The following ANK3 variants were observed in gnomAD, a reference collection of about 807,000 sequenced individuals.
ANK3 encodes the protein ankyrin-3.
ANK3 carries 57 observed loss-of-function variants against 370.9 expected under a neutral mutation model. The ratio of observed to expected loss-of-function variants is 0.15; its 90% CI spans 0.12 to 0.19. ANK3 has a LOEUF of 0.19. Ranked by LOEUF, ANK3 falls within the 10% of genes least tolerant of loss-of-function variation. The pLI, the probability that ANK3 is intolerant of heterozygous loss-of-function variation, is 1.00. For synonymous variants in ANK3, 1,929 were observed against 1,946.3 expected (o/e 0.99, Z 0.23); for missense variants, 4,439 against 5,302.1 (o/e 0.84, Z 5.06).
At chr10:60,655,981 G>T (rs941087828) in intron 1 of ANK3, among the ~76,000 whole-genome samples, 1 of 152,186 alleles carries the variant, frequency 6.6e-6, no homozygotes, top group Non-Finnish European at 1.5e-5. Context: ...TACAGCCTAG[G>T]TATGTAGTCG....
At chr10:60,574,295 C>T (rs939623853) in intron 2 of ANK3, among the ~76,000 whole-genome samples, 3 of 152,176 alleles carry the variant, frequency 2.0e-5, no homozygotes, top group African/African-American at 7.2e-5. Context: ...AAGTGACACG[C>T]TCAGAGAGCC....
At chr10:60,164,349 A>AGT (rs2095568067) in intron 23 of ANK3, among the ~76,000 whole-genome samples, 1 of 152,054 alleles carries the variant, frequency 6.6e-6, no homozygotes, top group African/African-American at 2.4e-5. Context: ...GTCCTGCTAT[A>AGT]CTCTGCTTTG....
chr10:60,688,182 G>T (rs1320152795), intron 1 of ANK3, among the ~76,000 whole-genome samples: 1 of 152,002 alleles, frequency 6.6e-6, no homozygotes, highest in Non-Finnish European at 1.5e-5. Context: ...TGATTCTCAT[G>T]CCTCAGCCTC....
At chr10:60,386,954 G>A (rs907073158) in intron 1 of ANK3, among the ~76,000 whole-genome samples, 2 of 152,130 alleles carry the variant, frequency 1.3e-5, no homozygotes, top group East Asian at 3.9e-4. Context: ...GAGATCAGGT[G>A]TTTAAGACCA....
chr10:60,084,849 A>G lies in ANK3; in HGVS notation c.3846-19T>C. 6.7e-7 allele frequency: 1 copy of G among 1,500,504 alleles called. No homozygotes were observed. 92.9% of individuals were successfully genotyped at this position (1,500,504 alleles called of 1,614,324 possible). Reference sequence around the variant, plus strand: ...CCAAAATCTGAGCAAAACAAAAAACAGAAGTATGAAAATGTGGCTATTTAA... The same window carrying G: ...CCAAAATCTGAGCAAAACAAAAAACGGAAGTATGAAAATGTGGCTATTTAA... On this transcript the variant is annotated intron_variant, in intron 31 of 43. Coordinates refer to ENST00000280772, the MANE Select transcript of ANK3 (RefSeq NM_020987.5).
At position 60,076,029 on chromosome 10, in the gene ANK3, A is replaced by T; in HGVS notation, c.4852T>A (p.Ser1618Thr). The change falls in exon 37 of 44, where the codon TCT (serine) becomes ACT (threonine). Residue 1618 changes from serine (S) to threonine (T), a missense_variant. This residue lies in a region of ANK3 where 679 missense variants were observed against 791.0 expected (regional missense o/e 0.86). Transcript: ENST00000280772. The stretch of plus-strand genomic sequence containing the variant: ...GGAGAGGTTCGAGAGGAAAACGTAG[A>T]ATTGGATGCCAGCCCTTTTAAGGGC... ...ATPLKGLASN[S>T]TFSSRTSPVT... The T allele has an allele frequency of 6.2e-7, 1 of 1,614,218 alleles. No individual in the cohort carries two copies. The highest frequency in any genetic ancestry group is 8.5e-7 in the Non-Finnish European group (1 of 1,180,014).
intron 2 of ANK3, among the ~76,000 whole-genome samples, chr10:60,511,701 A>G (rs552081863): frequency 2.0e-5 from 3 of 152,188 alleles, no homozygotes; most frequent in African/African-American, 7.2e-5. Flanking sequence ...TGGAATACTG[A>G]AAGGATAAGC....
rs780241305 is a variant in ANK3, at chr10:60,088,209, G to T, written c.3478C>A (p.Pro1160Thr). Residue 1160 changes from proline (P) to threonine (T), a missense_variant, in exon 29 of 44, where the codon CCC (proline) becomes ACC (threonine). Pro to Thr is a conservative substitution (Grantham distance 38, BLOSUM62 -1). This residue lies in a region of ANK3 where 702 missense variants were observed against 941.5 expected (regional missense o/e 0.75). Transcript: ENST00000280772. ...TCTGGGAAAGATGCTTGAACAAGGGGCACTGTGGTGCTGCTCAGAATTCCA... is the reference window on the plus strand; with the variant it reads ...TCTGGGAAAGATGCTTGAACAAGGGTCACTGTGGTGCTGCTCAGAATTCCA... ...EGGILSSTTV[P>T]LVQASFPEGA... 1 of 1,614,220 alleles carries T rather than the reference G, an allele frequency of 6.2e-7. No individual in the cohort carries two copies. Among genetic ancestry groups the T allele is most frequent in the South Asian group, 1.1e-5 (1 of 91,088 alleles).
At chr10:60,504,102 T>C (rs1020640642) in intron 2 of ANK3, among the ~76,000 whole-genome samples, 1 of 152,214 alleles carries the variant, frequency 6.6e-6, no homozygotes, top group African/African-American at 2.4e-5. Flanking sequence ...TCATAATTTC[T>C]TGTGATCTGT....
intron 2 of ANK3, among the ~76,000 whole-genome samples, chr10:60,597,342 T>C (rs1196817351): frequency 2.0e-5 from 3 of 152,220 alleles, no homozygotes; most frequent in East Asian, 1.9e-4. Context: ...TATCATAACA[T>C]GAATGTAGCT....
chr10:60,307,645 T>G (rs972880417), intron 1 of ANK3, among the ~76,000 whole-genome samples: 1 of 152,128 alleles, frequency 6.6e-6, no homozygotes. Context: ...TGGCCTATGA[T>G]GTACTTTTAA....
chr10:60,050,097 CAA>C (rs1298585633), intron 42 of ANK3, among the ~76,000 whole-genome samples: 2 of 152,078 alleles, frequency 1.3e-5, no homozygotes, highest in African/African-American at 4.8e-5. Context: ...ATGAGAATAG[CAA>C]AAACTCAGAA....
chr10:60,664,284 G>A (rs2078970912), intron 1 of ANK3, among the ~76,000 whole-genome samples: 1 of 152,180 alleles, frequency 6.6e-6, no homozygotes. Context: ...TTTATTATGG[G>A]ATAATTGTAT....
At chr10:60,532,216 T>G (rs1463103499) in intron 2 of ANK3, among the ~76,000 whole-genome samples, 1 of 152,164 alleles carries the variant, frequency 6.6e-6, no homozygotes, top group South Asian at 2.1e-4. Flanking sequence ...AGTTGCATAC[T>G]TACTTCTCAC....
chr10:60,621,722 T>C (rs1471449126), intron 1 of ANK3, among the ~76,000 whole-genome samples: 1 of 152,212 alleles, frequency 6.6e-6, no homozygotes, highest in Admixed American at 6.6e-5. Context: ...ACATCATCTA[T>C]GTTTTTTTCA....
At chr10:60,484,223 G>C (rs1468187254) in intron 2 of ANK3, among the ~76,000 whole-genome samples, 1 of 152,166 alleles carries the variant, frequency 6.6e-6, no homozygotes, top group Non-Finnish European at 1.5e-5. Flanking sequence ...CATTGAGGGG[G>C]ATGGAAATGA....
At chr10:60,733,485 T>C (rs1246778253) in exon 1 of ANK3, 5 of 545,170 alleles carry the variant, frequency 9.2e-6, no homozygotes, top group Non-Finnish European at 1.4e-5. Context: ...ATCCTCCTCC[T>C]GCTGTGTCCG....
chr10:60,042,573 A>C, intron 43 of ANK3, 99 bp downstream of exon 43: 4 of 1,203,434 alleles, frequency 3.3e-6, no homozygotes, highest in Non-Finnish European at 4.7e-6. Context: ...AATTCAGTGA[A>C]AAGGAAAGGA....
intron 5 of ANK3, among the ~76,000 whole-genome samples, chr10:60,265,603 A>T (rs566484659): frequency 6.6e-6 from 1 of 152,208 alleles, no homozygotes; most frequent in East Asian, 1.9e-4. Flanking sequence ...CTGGCATGCA[A>T]GTTACTTATT....
Sources: gnomAD v4.1 joint callset for allele counts (sites outside exome capture counted in the v4.1 genomes callset) on GRCh38, gnomAD v4.1.1 for gene constraint, gnomAD v4.1.1 regional missense constraint, MANE v1.5 for transcripts, NCBI Gene and HGNC (gene_info 2026-07-23, HGNC 2026-07-21) for gene names.